PLCE1: variants seen among roughly 807,000 people sequenced by gnomAD.
The protein encoded by PLCE1 is 1-phosphatidylinositol 4,5-bisphosphate phosphodiesterase epsilon-1.
PLCE1 carries 119 observed loss-of-function variants against 242.8 expected under a neutral mutation model. The observed-to-expected ratio is 0.49, with a 90% confidence interval of 0.42 to 0.57. PLCE1 has a LOEUF of 0.57. Among genes scored for constraint, PLCE1 ranks in the 20% least tolerant of loss-of-function variants. PLCE1 has a pLI of 0.00. For missense variants in PLCE1, 2,441 were observed against 2,788.8 expected (o/e 0.88, Z 2.81); for synonymous variants, 945 against 1,017.4 (o/e 0.93, Z 1.35).
At chr10:94,061,761 GAA>G (rs1204786482) in intron 2 of PLCE1, among the ~76,000 whole-genome samples, 1 of 151,926 alleles carries the variant, frequency 6.6e-6, no homozygotes, top group African/African-American at 2.4e-5. Context: ...GGCAAATAAG[GAA>G]GTGAAAGTTT....
chr10:94,258,141 T>C (rs1488069946), intron 11 of PLCE1, among the ~76,000 whole-genome samples: 1 of 152,184 alleles, frequency 6.6e-6, no homozygotes, highest in Non-Finnish European at 1.5e-5. Flanking sequence ...TTAAATTTTC[T>C]AAAATTAGAG....
chr10:94,307,691 C>A (rs1232451854), intron 26 of PLCE1, among the ~76,000 whole-genome samples: 1 of 152,120 alleles, frequency 6.6e-6, no homozygotes, highest in African/African-American at 2.4e-5. Flanking sequence ...GTGTCCTAAT[C>A]CCCTCTTCTC....
intron 2 of PLCE1, among the ~76,000 whole-genome samples, chr10:94,130,567 G>A (rs1236855511): frequency 6.6e-6 from 1 of 152,178 alleles, no homozygotes; most frequent in Non-Finnish European, 1.5e-5. Context: ...TCTGGTGAAG[G>A]TCGAGTCAGG....
At chr10:94,308,929 AT>A (rs1455479620) in intron 27 of PLCE1, among the ~76,000 whole-genome samples, 19 of 152,328 alleles carry the variant, frequency 1.2e-4, no homozygotes, top group African/African-American at 4.3e-4. Context: ...CATTTTGCAG[AT>A]GAGAAAGGTA....
At chr10:94,054,809 G>A (rs536261298) in intron 2 of PLCE1, among the ~76,000 whole-genome samples, 28 of 152,096 alleles carry the variant, frequency 1.8e-4, no homozygotes, top group South Asian at 2.1e-4. Flanking sequence ...TCAGGAGATC[G>A]AGACCATCCT....
chr10:94,008,562 G>T (rs2061097635), intron 1 of PLCE1, among the ~76,000 whole-genome samples: 1 of 152,180 alleles, frequency 6.6e-6, no homozygotes, highest in African/African-American at 2.4e-5. Context: ...GCCTGCCTCA[G>T]CCTCCAAAAG....
At chr10:94,161,349 T>C (rs1386005506) in intron 3 of PLCE1, among the ~76,000 whole-genome samples, 4 of 152,214 alleles carry the variant, frequency 2.6e-5, no homozygotes, top group Non-Finnish European at 5.9e-5. Flanking sequence ...CAGTGGTTTG[T>C]AGTGCTCCTT....
At chr10:94,164,936 G>A (rs946677833) in intron 3 of PLCE1, among the ~76,000 whole-genome samples, 5 of 152,208 alleles carry the variant, frequency 3.3e-5, no homozygotes, top group African/African-American at 7.2e-5. Context: ...AGCACCAGAG[G>A]CTGCAGAACA....
chr10:94,205,565 G>T (rs939226373), intron 4 of PLCE1, among the ~76,000 whole-genome samples: 3 of 152,214 alleles, frequency 2.0e-5, no homozygotes, highest in African/African-American at 7.2e-5. Context: ...AGGACCAGCT[G>T]GCAAGAGTCG....
At chr10:94,201,389 TATA>T (rs1257151178) in intron 4 of PLCE1, among the ~76,000 whole-genome samples, 1 of 152,196 alleles carries the variant, frequency 6.6e-6, no homozygotes, top group Non-Finnish European at 1.5e-5. Flanking sequence ...TATAAAGTGC[TATA>T]CCCAAGTAAG....
intron 1 of PLCE1, among the ~76,000 whole-genome samples, chr10:93,997,106 A>G (rs1297897517): frequency 6.6e-6 from 1 of 152,208 alleles, no homozygotes; most frequent in African/African-American, 2.4e-5. Flanking sequence ...TAACGCATTT[A>G]ATTTTTATAT....
rs768318163 is a variant in PLCE1 at position 94,313,301 on chromosome 10, G to A, written c.6051G>A (p.Thr2017=). ...ERKCLQTHRV[T]VHGVPGPEPF... is the part of the protein sequence containing the mutation. ...AATGTTTGCAGACTCACAGAGTCAC[G>A]GTGCATGGGGTCCCAGGGCCAGAGC... The change falls in exon 28 of 33, where the codon ACG becomes ACA. Residue 2017 remains threonine (T), a synonymous_variant. Coordinates refer to ENST00000371380, the MANE Select transcript of PLCE1 (RefSeq NM_016341.4). The A allele has an allele frequency of 1.2e-5, 20 of 1,614,068 alleles. No homozygotes were observed. In the Admixed American group the frequency reaches 2.2e-4, roughly 17 times the overall value.
intron 2 of PLCE1, among the ~76,000 whole-genome samples, chr10:94,119,111 C>T (rs2046227637): frequency 6.6e-6 from 1 of 152,288 alleles, no homozygotes; most frequent in African/African-American, 2.4e-5. Flanking sequence ...CTTGTGAGTA[C>T]AAATGAAGTA....
intron 2 of PLCE1, among the ~76,000 whole-genome samples, chr10:94,125,853 G>A (rs2046422085): frequency 6.6e-6 from 1 of 152,128 alleles, no homozygotes; most frequent in South Asian, 2.1e-4. Context: ...GACTTTAGTA[G>A]AAGTCAAGTC....
At chr10:94,287,063 T>A (rs902198152) in intron 22 of PLCE1, 4 of 152,256 alleles carry the variant, frequency 2.6e-5, no homozygotes. Flanking sequence ...ATAAAGTCTC[T>A]GTACCAGTAG....
chr10:94,326,889 A>G (rs1424695008), intron 32 of PLCE1, among the ~76,000 whole-genome samples: 1 of 152,206 alleles, frequency 6.6e-6, no homozygotes, highest in Non-Finnish European at 1.5e-5. Flanking sequence ...GGCCAGGCAC[A>G]GTGGCTCACG....
intron 2 of PLCE1, among the ~76,000 whole-genome samples, chr10:94,079,689 A>G (rs1286808142): frequency 6.6e-6 from 1 of 152,220 alleles, no homozygotes; most frequent in Non-Finnish European, 1.5e-5. Context: ...ACCCTCAGGA[A>G]AAATTCTTGC....
intron 2 of PLCE1, among the ~76,000 whole-genome samples, chr10:94,128,073 C>T (rs749684734): frequency 2.0e-5 from 3 of 148,676 alleles, no homozygotes; most frequent in Non-Finnish European, 4.4e-5. Context: ...CTGCAACCTT[C>T]GCCTCCTGGG....
At chr10:94,187,211 C>A (rs889495284) in intron 4 of PLCE1, among the ~76,000 whole-genome samples, 1 of 148,296 alleles carries the variant, frequency 6.7e-6, no homozygotes, top group Non-Finnish European at 1.5e-5. Context: ...CATCTAGTTG[C>A]AATATAAATA....
Sources: allele counts gnomAD v4.1 joint callset (sites outside exome capture counted in the v4.1 genomes callset), GRCh38; gene constraint gnomAD v4.1.1; transcripts MANE v1.5; gene names NCBI Gene and HGNC (gene_info 2026-07-23, HGNC 2026-07-21).